Variants in GRIA4 observed in about 807,000 individuals in gnomAD.
The protein encoded by GRIA4 is glutamate receptor 4.
A neutral mutation model predicts 104.0 loss-of-function variants in GRIA4; 34 were observed. The observed-to-expected ratio is 0.33, with a 90% CI of 0.25 to 0.44. The LOEUF is 0.44. GRIA4 is among the 20% of genes least tolerant of loss of function. The probability of loss-of-function intolerance (pLI) is 1.00; values close to 1 mark genes in which losing one functional copy is unlikely to be tolerated. For synonymous variants in GRIA4, 386 were observed against 381.9 expected (o/e 1.01, Z -0.13); for missense variants, 750 against 1,096.5 (o/e 0.68, Z 4.46).
chr11:105,726,293 G>T (rs566822119), intron 3 of GRIA4, among the ~76,000 whole-genome samples: 9 of 152,100 alleles, frequency 5.9e-5, no homozygotes, highest in South Asian at 2.1e-4. Flanking sequence ...AAACTGAGTG[G>T]AGCCCACCGC....
At chr11:105,978,359 T>C (rs1591507993) in intron 16 of GRIA4, among the ~76,000 whole-genome samples, 6 of 149,958 alleles carry the variant, frequency 4.0e-5, no homozygotes, top group South Asian at 2.1e-4. Context: ...GAAGACCATA[T>C]CCTGAGTTCT....
chr11:105,641,960 G>A (rs905321400), intron 3 of GRIA4, among the ~76,000 whole-genome samples: 2 of 152,086 alleles, frequency 1.3e-5, no homozygotes, highest in African/African-American at 2.4e-5. Flanking sequence ...CAGCAAAGGT[G>A]GTTTCTTCTG....
chr11:105,962,946 A>C (rs1337008063), intron 14 of GRIA4, among the ~76,000 whole-genome samples: 5 of 152,176 alleles, frequency 3.3e-5, no homozygotes, highest in African/African-American at 1.2e-4. Context: ...TCACTATTAC[A>C]GTGACACTGA....
At chr11:105,977,190 A>G (rs1002456275) in intron 16 of GRIA4, among the ~76,000 whole-genome samples, 1 of 152,062 alleles carries the variant, frequency 6.6e-6, no homozygotes, top group Non-Finnish European at 1.5e-5. Flanking sequence ...AGTGGATTTT[A>G]ACAAATAATT....
chr11:105,824,917 T>C (rs1157133654), intron 4 of GRIA4: 1 of 152,044 alleles, frequency 6.6e-6, no homozygotes, highest in African/African-American at 2.4e-5. Flanking sequence ...ACGGTAGCCA[T>C]CCAGGAGGTA....
intron 3 of GRIA4, among the ~76,000 whole-genome samples, chr11:105,640,497 C>A (rs751490129): frequency 6.6e-6 from 1 of 151,778 alleles, no homozygotes; most frequent in African/African-American, 2.4e-5. Flanking sequence ...ATATATTGTT[C>A]TATTCCAGAT....
chr11:105,794,069 G>C (rs1232654451), intron 4 of GRIA4, among the ~76,000 whole-genome samples: 3 of 151,992 alleles, frequency 2.0e-5, no homozygotes. Flanking sequence ...TTATAATTCT[G>C]CATATCTAGG....
intron 3 of GRIA4, among the ~76,000 whole-genome samples, chr11:105,659,096 C>G (rs1256416409): frequency 6.6e-6 from 1 of 151,978 alleles, no homozygotes; most frequent in Non-Finnish European, 1.5e-5. Flanking sequence ...CAAGGAAACT[C>G]ATGAAACAGA....
intron 4 of GRIA4, among the ~76,000 whole-genome samples, chr11:105,776,627 A>T (rs1189503079): frequency 6.6e-6 from 1 of 152,170 alleles, no homozygotes; most frequent in East Asian, 1.9e-4. Context: ...CATATATCTC[A>T]GATCTCACCT....
At chr11:105,699,131 T>C (rs1292972278) in intron 3 of GRIA4, among the ~76,000 whole-genome samples, 3 of 152,220 alleles carry the variant, frequency 2.0e-5, no homozygotes, top group Non-Finnish European at 4.4e-5. Context: ...GAATATCATG[T>C]AAATGCTGGG....
At chr11:105,959,098 T>G (rs1263905291) in intron 14 of GRIA4, among the ~76,000 whole-genome samples, 1 of 152,154 alleles carries the variant, frequency 6.6e-6, no homozygotes. Context: ...TTGGGGTTGA[T>G]CTTCTCATGG....
Position 105,660,315 on chromosome 11 carries a change from G to T in GRIA4, c.247+47881G>T, listed in dbSNP as rs999270786. 7.9e-5 allele frequency among the ~76,000 whole-genome samples: 12 copies of T among 151,628 alleles called. No individual in the cohort carries two copies. In the East Asian group the frequency reaches 2.3e-3, roughly 29 times the overall value. ...AAAGGAAAAACTAGTTATCTACAAA[G>T]AATGAGATTAAGAATAGCAGCAGAA... On this transcript the variant is annotated intron_variant, in intron 3 of 16. Transcript: ENST00000282499.
chr11:105,965,911 T>C, intron 14 of GRIA4: 1 of 1,359,324 alleles, frequency 7.4e-7, no homozygotes, highest in Non-Finnish European at 1.0e-6. Flanking sequence ...TTAACAGCTG[T>C]GCAGTTTCTT....
intron 4 of GRIA4, among the ~76,000 whole-genome samples, chr11:105,807,628 T>A (rs1399933006): frequency 6.6e-6 from 1 of 151,906 alleles, no homozygotes. Flanking sequence ...TGTGTTTTGA[T>A]GTCAATTTCT....
chr11:105,668,677 CT>C (rs11378145), intron 3 of GRIA4, among the ~76,000 whole-genome samples: 15 of 140,468 alleles, frequency 1.1e-4, no homozygotes, highest in Admixed American at 1.5e-4. Flanking sequence ...TATCTTTTGT[CT>C]TTTTTTTTTT....
intron 3 of GRIA4, among the ~76,000 whole-genome samples, chr11:105,655,311 CTAACCTTT>C (rs2135395117): frequency 6.6e-6 from 1 of 152,174 alleles, no homozygotes; most frequent in East Asian, 1.9e-4. Flanking sequence ...GTAGTTACAT[CTAACCTTT>C]TTGTATAGTA....
At chr11:105,946,050 C>G (rs987631632) in intron 14 of GRIA4, among the ~76,000 whole-genome samples, 1 of 151,996 alleles carries the variant, frequency 6.6e-6, no homozygotes, top group African/African-American at 2.4e-5. Flanking sequence ...TTTTAAGGTG[C>G]CATAGGAAAA....
At chr11:105,668,262 C>T (rs1485356315) in intron 3 of GRIA4, among the ~76,000 whole-genome samples, 8 of 143,328 alleles carry the variant, frequency 5.6e-5, no homozygotes, top group Admixed American at 2.8e-4. Context: ...ATTATATATT[C>T]GACATTTTCT....
intron 4 of GRIA4, among the ~76,000 whole-genome samples, chr11:105,808,348 T>TG (rs1943036273): frequency 6.6e-6 from 1 of 152,014 alleles, no homozygotes; most frequent in Admixed American, 6.6e-5. Flanking sequence ...CCCAGGTACT[T>TG]GAAGTCCTTT....
Sources: allele counts gnomAD v4.1 joint callset (sites outside exome capture counted in the v4.1 genomes callset), GRCh38; gene constraint gnomAD v4.1.1; transcripts MANE v1.5; gene names NCBI Gene and HGNC (gene_info 2026-07-23, HGNC 2026-07-21).